Variants in UNC5C observed in about 807,000 individuals in gnomAD.
UNC5C encodes the protein netrin receptor UNC5C.
Under a neutral mutation model 99.8 loss-of-function variants are expected in UNC5C, and 47 were observed. The ratio of observed to expected loss-of-function variants is 0.47; its 90% confidence interval spans 0.37 to 0.60. The LOEUF (loss-of-function observed/expected upper bound fraction) is 0.60. Ranked by LOEUF, UNC5C falls within the 20% of genes least tolerant of loss-of-function variation. UNC5C has a pLI of 0.00. For missense variants in UNC5C, 1,062 were observed against 1,165.9 expected (o/e 0.91, Z 1.30); for synonymous variants, 487 against 452.2 (o/e 1.08, Z -0.98).
intron 3 of UNC5C, among the ~76,000 whole-genome samples, chr4:95,300,530 C>T (rs1381292287): frequency 6.6e-6 from 1 of 152,068 alleles, no homozygotes; most frequent in East Asian, 1.9e-4. Flanking sequence ...TCTTGGTAAT[C>T]TCTATTTTGA....
At chr4:95,342,833 G>A (rs1277129037) in intron 1 of UNC5C, among the ~76,000 whole-genome samples, 1 of 151,896 alleles carries the variant, frequency 6.6e-6, no homozygotes, top group Non-Finnish European at 1.5e-5. Context: ...GCTGACTGAA[G>A]AGCCCTTGGG....
At chr4:95,446,808 G>T (rs999868959) in intron 1 of UNC5C, among the ~76,000 whole-genome samples, 1 of 151,084 alleles carries the variant, frequency 6.6e-6, no homozygotes, top group Non-Finnish European at 1.5e-5. Context: ...TTCATTTTCT[G>T]CGATTATCTG....
At position 95,203,258 on chromosome 4, in the gene UNC5C, G is replaced by A. The variant is rs1447091311; in HGVS notation, c.1903-294C>T. 5.3e-5 allele frequency among the ~76,000 whole-genome samples: 8 copies of A among 152,066 alleles called. No individual in the cohort carries two copies. The South Asian group carries it at 1.7e-3, about 32-fold the overall frequency. ...AAGAATTAGATAAATTAAGGAACTG[G>A]GCAATAATATATTAATATGCAATTC... On this transcript the variant is annotated intron_variant, in intron 11 of 15. Coordinates refer to ENST00000453304, the MANE Select transcript of UNC5C (RefSeq NM_003728.4).
At chr4:95,178,083 C>T (rs1736443897) in intron 14 of UNC5C, among the ~76,000 whole-genome samples, 1 of 152,164 alleles carries the variant, frequency 6.6e-6, no homozygotes, top group Non-Finnish European at 1.5e-5. Flanking sequence ...GTGCAGAATG[C>T]AGTCGGACAT....
At chr4:95,489,015 A>G (rs190699658) in intron 1 of UNC5C, among the ~76,000 whole-genome samples, 1 of 150,652 alleles carries the variant, frequency 6.6e-6, no homozygotes. Flanking sequence ...TGAGGGTATC[A>G]TGACTTAATA....
chr4:95,208,641 A>C (rs1205372584), intron 10 of UNC5C, among the ~76,000 whole-genome samples: 1 of 152,146 alleles, frequency 6.6e-6, no homozygotes, highest in Non-Finnish European at 1.5e-5. Flanking sequence ...AAGGGCAGAG[A>C]CCTTTTCAAG....
At chr4:95,305,689 G>T (rs897572049) in intron 2 of UNC5C, among the ~76,000 whole-genome samples, 1 of 152,168 alleles carries the variant, frequency 6.6e-6, no homozygotes, top group African/African-American at 2.4e-5. Flanking sequence ...TTTGAAGTTT[G>T]CAGTGATTTG....
intron 10 of UNC5C, among the ~76,000 whole-genome samples, chr4:95,213,420 G>A (rs1738142428): frequency 1.3e-5 from 2 of 152,230 alleles, no homozygotes; most frequent in African/African-American, 4.8e-5. Flanking sequence ...TAAAGCAGGA[G>A]AGGTAGAAAT....
chr4:95,218,847 G>T, intron 9 of UNC5C, 122 bp downstream of exon 9: 1 of 925,054 alleles, frequency 1.1e-6, no homozygotes, highest in Non-Finnish European at 1.6e-6. Context: ...AGTAGATTTG[G>T]GCTGGATAGG....
intron 2 of UNC5C, among the ~76,000 whole-genome samples, chr4:95,318,941 C>T (rs1431924107): frequency 2.0e-5 from 3 of 152,182 alleles, no homozygotes; most frequent in Non-Finnish European, 4.4e-5. Flanking sequence ...CTGAGCAAAT[C>T]GTAAAGCATA....
intron 4 of UNC5C, among the ~76,000 whole-genome samples, chr4:95,264,336 A>G (rs1297303173): frequency 6.6e-6 from 1 of 152,132 alleles, no homozygotes; most frequent in African/African-American, 2.4e-5. Flanking sequence ...TGCACTCAGA[A>G]ATTCACTCAC....
intron 4 of UNC5C, among the ~76,000 whole-genome samples, chr4:95,252,115 T>C (rs1739768675): frequency 6.6e-6 from 1 of 152,198 alleles, no homozygotes; most frequent in African/African-American, 2.4e-5. Context: ...CTCTGAGATA[T>C]ATACTCATAT....
intron 1 of UNC5C, among the ~76,000 whole-genome samples, chr4:95,344,206 AAAC>A (rs1321128383): frequency 6.6e-6 from 1 of 152,068 alleles, no homozygotes; most frequent in East Asian, 1.9e-4. Flanking sequence ...CAAGAGAAAA[AAAC>A]AACATAAAAT....
chr4:95,405,327 T>A (rs1745805378), intron 1 of UNC5C, among the ~76,000 whole-genome samples: 1 of 152,186 alleles, frequency 6.6e-6, no homozygotes, highest in Non-Finnish European at 1.5e-5. Context: ...GGAAGGGGTT[T>A]GAGTGGTGGG....
chr4:95,413,769 A>C (rs1746078966), intron 1 of UNC5C, among the ~76,000 whole-genome samples: 1 of 152,230 alleles, frequency 6.6e-6, no homozygotes, highest in African/African-American at 2.4e-5. Context: ...CAGCCAAGAA[A>C]GCAGAAGAAC....
At chr4:95,256,294 T>C (rs1739978204) in intron 4 of UNC5C, among the ~76,000 whole-genome samples, 1 of 152,132 alleles carries the variant, frequency 6.6e-6, no homozygotes, top group Non-Finnish European at 1.5e-5. Flanking sequence ...TTCATGCAAC[T>C]CCACTTGGTT....
intron 1 of UNC5C, among the ~76,000 whole-genome samples, chr4:95,445,291 T>C (rs3857231): frequency 0.18 from 26,735 of 151,892 alleles, 2,581 homozygotes; most frequent in Middle Eastern, 0.27. Context: ...TCATCTGCCC[T>C]CCAACCCTTT....
chr4:95,450,468 A>C (rs1485373861), intron 1 of UNC5C, among the ~76,000 whole-genome samples: 1 of 152,166 alleles, frequency 6.6e-6, no homozygotes, highest in Non-Finnish European at 1.5e-5. Flanking sequence ...GGCTTCCCAA[A>C]GTGTCAGCAT....
chr4:95,521,147 A>G (rs1175879183), intron 1 of UNC5C, among the ~76,000 whole-genome samples: 2 of 148,316 alleles, frequency 1.3e-5, no homozygotes, highest in Admixed American at 1.3e-4. Flanking sequence ...ATATCCTCAC[A>G]TTGCTTTTCC....
Sources: gnomAD v4.1 joint callset for allele counts (sites outside exome capture counted in the v4.1 genomes callset) on GRCh38, gnomAD v4.1.1 for gene constraint, MANE v1.5 for transcripts, NCBI Gene and HGNC (gene_info 2026-07-23, HGNC 2026-07-21) for gene names.